Variants in PFDN1 observed in about 807,000 individuals in gnomAD.
PFDN1 encodes the protein prefoldin subunit 1.
PFDN1 carries 6 observed loss-of-function variants against 17.3 expected under a neutral mutation model. The ratio of observed to expected loss-of-function variants is 0.35; its 90% CI spans 0.19 to 0.69. The LOEUF is 0.69. Ranked by LOEUF, PFDN1 falls within the 30% of genes least tolerant of loss-of-function variation. PFDN1 has a pLI of 0.65. For missense variants in PFDN1, 113 were observed against 146.2 expected, an observed-to-expected ratio of 0.77 and a Z score of 1.17; for synonymous variants, 58 against 50.1, an observed-to-expected ratio of 1.16 and a Z score of -0.67.
At chr5:140,260,990 C>T (rs1186118491) in intron 3 of PFDN1, among the ~76,000 whole-genome samples, 1 of 151,370 alleles carries the variant, frequency 6.6e-6, no homozygotes, top group African/African-American at 2.4e-5. Flanking sequence ...GGTGAAACCC[C>T]GTCTCTACTA....
intron 3 of PFDN1, among the ~76,000 whole-genome samples, chr5:140,256,510 A>G (rs527264343): frequency 6.6e-6 from 1 of 152,198 alleles, no homozygotes; most frequent in South Asian, 2.1e-4. Flanking sequence ...TTTATAAAAC[A>G]TATCCTCTTT....
At chr5:140,282,269 A>G (rs1765416681) in intron 2 of PFDN1, among the ~76,000 whole-genome samples, 1 of 151,832 alleles carries the variant, frequency 6.6e-6, no homozygotes, top group Non-Finnish European at 1.5e-5. Flanking sequence ...TAATAAAGGA[A>G]TAAAAATATA....
chr5:140,253,223 G>T (rs960236880), intron 3 of PFDN1, among the ~76,000 whole-genome samples: 1 of 152,192 alleles, frequency 6.6e-6, no homozygotes, highest in African/African-American at 2.4e-5. Context: ...AGGGACAAAA[G>T]ACTTGCTTCA....
chr5:140,266,571 C>G (rs966588553), intron 3 of PFDN1, among the ~76,000 whole-genome samples: 13 of 152,192 alleles, frequency 8.5e-5, no homozygotes, highest in African/African-American at 2.2e-4. Flanking sequence ...ACACCCACCC[C>G]CTTCCCCAAA....
chr5:140,278,048 C>A (rs776569349), intron 3 of PFDN1, among the ~76,000 whole-genome samples: 1 of 151,130 alleles, frequency 6.6e-6, no homozygotes, highest in African/African-American at 2.4e-5. Context: ...AACCCCGTCT[C>A]TACTAAAGAT....
chr5:140,252,371 G>A (rs1307639083), intron 3 of PFDN1, among the ~76,000 whole-genome samples: 2 of 152,144 alleles, frequency 1.3e-5, no homozygotes, highest in African/African-American at 4.8e-5. Context: ...CTGATATTCT[G>A]TGAGAGCTAA....
intron 1 of PFDN1, among the ~76,000 whole-genome samples, chr5:140,302,432 T>C (rs1316396276): frequency 1.3e-5 from 2 of 152,204 alleles, no homozygotes; most frequent in African/African-American, 4.8e-5. Context: ...AAAACTTTAC[T>C]GGTTTTGTTT....
chr5:140,249,119 T>TCATAATCAAACC (rs1202093657), intron 3 of PFDN1, among the ~76,000 whole-genome samples: 3 of 152,222 alleles, frequency 2.0e-5, no homozygotes, highest in Non-Finnish European at 1.5e-5. Context: ...AAGACTCTCA[T>TCATAATCAAACC]CATAATCAAA....
chr5:140,289,229 T>A (rs1020503429), intron 2 of PFDN1, among the ~76,000 whole-genome samples: 1 of 147,530 alleles, frequency 6.8e-6, no homozygotes, highest in East Asian at 2.0e-4. Context: ...AAGGGTGCAG[T>A]AAGCCACAAT....
intron 2 of PFDN1, among the ~76,000 whole-genome samples, chr5:140,283,446 G>T (rs1765441125): frequency 6.6e-6 from 1 of 152,112 alleles, no homozygotes; most frequent in African/African-American, 2.4e-5. Context: ...TGTTAGCCAG[G>T]ATGGTCTCGA....
intron 2 of PFDN1, among the ~76,000 whole-genome samples, chr5:140,283,563 G>A (rs538656168): frequency 3.9e-5 from 6 of 152,188 alleles, no homozygotes; most frequent in Non-Finnish European, 7.4e-5. Context: ...GTCTTCAGTA[G>A]TAACTTGATT....
intron 2 of PFDN1, among the ~76,000 whole-genome samples, chr5:140,284,562 T>C (rs539247923): frequency 6.2e-4 from 94 of 152,318 alleles, no homozygotes; most frequent in African/African-American, 2.2e-3. Flanking sequence ...TAAGCAAATA[T>C]TATGTACACA....
intron 3 of PFDN1, among the ~76,000 whole-genome samples, chr5:140,264,633 T>G (rs1765111163): frequency 6.6e-6 from 1 of 151,982 alleles, no homozygotes; most frequent in Admixed American, 6.6e-5. Flanking sequence ...AAGGCCAAGT[T>G]TGAGACCAGC....
In PFDN1 at chr5:140,303,098, C is replaced by T; in HGVS notation, c.-25G>A. The stretch of plus-strand genomic sequence containing the variant: ...TCTTGGTGCACTGTAAGCGCCTGCG[C>T]AGTGGGAGTTGGACTGAAATAGGGT... On this transcript the variant is annotated 5_prime_UTR_variant, in exon 1 of 4. Transcript: ENST00000261813. 1 of 1,604,270 alleles carries T rather than the reference C, an allele frequency of 6.2e-7. No individual in the cohort carries two copies. Among genetic ancestry groups the T allele is most frequent in the Non-Finnish European group, 8.5e-7 (1 of 1,170,978 alleles).
intron 2 of PFDN1, among the ~76,000 whole-genome samples, chr5:140,289,763 C>T (rs1300175652): frequency 6.6e-6 from 1 of 152,136 alleles, no homozygotes; most frequent in African/African-American, 2.4e-5. Flanking sequence ...ATTTTATCAA[C>T]CCATACCAAC....
intron 3 of PFDN1, among the ~76,000 whole-genome samples, chr5:140,258,121 A>G (rs1045324995): frequency 2.0e-5 from 3 of 152,180 alleles, no homozygotes; most frequent in Non-Finnish European, 4.4e-5. Flanking sequence ...CTTAAGCCAT[A>G]TTAAAGTTCT....
chr5:140,272,387 G>A (rs1361811101), intron 3 of PFDN1, among the ~76,000 whole-genome samples: 1 of 141,688 alleles, frequency 7.1e-6, no homozygotes, highest in Non-Finnish European at 1.5e-5. Flanking sequence ...TTGAGACAGA[G>A]TCTTGCTCTG....
In PFDN1 at chr5:140,271,494, T is replaced by A. The variant is rs573824788; in HGVS notation, c.285+9955A>T. On this transcript the variant is annotated intron_variant, in intron 3 of 3. Transcript: ENST00000261813. Reference sequence around the variant, plus strand: ...GCATTGATTTCTAAGATAAAAATTTTAAAAAGACATCCATAAGTGTCTAGC... The same window carrying A: ...GCATTGATTTCTAAGATAAAAATTTAAAAAAGACATCCATAAGTGTCTAGC... Among the ~76,000 whole-genome samples, 6 of 152,252 alleles carry A rather than the reference T, an allele frequency of 3.9e-5. No homozygotes were observed. The South Asian group carries it at 1.0e-3, about 26-fold the overall frequency.
chr5:140,263,361 A>C (rs999253079), intron 3 of PFDN1, among the ~76,000 whole-genome samples: 1 of 152,076 alleles, frequency 6.6e-6, no homozygotes, highest in Non-Finnish European at 1.5e-5. Context: ...AATATTAAAA[A>C]CCCATGACTG....
Sources: allele counts gnomAD v4.1 joint callset (sites outside exome capture counted in the v4.1 genomes callset), GRCh38; gene constraint gnomAD v4.1.1; transcripts MANE v1.5; gene names NCBI Gene and HGNC (gene_info 2026-07-23, HGNC 2026-07-21).